TENM3: variants seen among roughly 807,000 people sequenced by gnomAD.
TENM3 encodes teneurin-3.
In TENM3, 63 loss-of-function variants were observed where a neutral mutation model predicts 255.1. The ratio of observed to expected loss-of-function variants is 0.25; its 90% CI spans 0.20 to 0.30. The LOEUF (loss-of-function observed/expected upper bound fraction) is 0.30. Among genes scored for constraint, TENM3 ranks in the 10% least tolerant of loss-of-function variants. TENM3 has a pLI of 1.00. For synonymous variants in TENM3, 1,306 were observed against 1,322.3 expected (o/e 0.99, Z 0.27); for missense variants, 2,929 against 3,461.1 (o/e 0.85, Z 3.86).
intron 6 of TENM3, among the ~76,000 whole-genome samples, chr4:182,665,869 C>G (rs368150200): frequency 6.6e-6 from 1 of 152,052 alleles, no homozygotes; most frequent in African/African-American, 2.4e-5. Context: ...GCACTCCAGC[C>G]TGGGCGACAG....
chr4:182,590,299 T>C (rs1307156745), intron 3 of TENM3, among the ~76,000 whole-genome samples: 1 of 151,910 alleles, frequency 6.6e-6, no homozygotes, highest in Admixed American at 6.6e-5. Flanking sequence ...TCTAGGAGTC[T>C]CAGTAACAGT....
At position 182,730,996 on chromosome 4, in the gene TENM3, C is replaced by G; in HGVS notation, c.2824C>G (p.Leu942Val). ...GAATGTCTTTTATGTGATGGATACCCTAGTCATGAAGAAAGAAGAGAATGA... is the reference window on the plus strand; with the variant it reads ...GAATGTCTTTTATGTGATGGATACCGTAGTCATGAAGAAAGAAGAGAATGA... ...PWNVFYVMDT[L>V]VMKKEENDIP... The change falls in exon 16 of 28, where the codon CTA (leucine) becomes GTA (valine). Residue 942 changes from leucine (L) to valine (V), a missense_variant. Around this residue, in one of 6 missense-constraint regions of TENM3, gnomAD observed 1,608 missense variants for 1,884.4 expected, o/e 0.85. Transcript: ENST00000511685. The G allele has an allele frequency of 6.2e-7, 1 of 1,613,850 alleles. No individual in the cohort carries two copies. Among genetic ancestry groups the G allele is most frequent in the South Asian group, 1.1e-5 (1 of 91,066 alleles).
At chr4:181,974,554 C>T in the TENM3 span, among the ~76,000 whole-genome samples, 48 of 151,162 alleles carry the variant, frequency 3.2e-4, no homozygotes, top group African/African-American at 1.1e-3. Flanking sequence ...GGCAACAGAG[C>T]GAGACTCCAT....
At chr4:181,797,930 G>A in the TENM3 span, among the ~76,000 whole-genome samples, 1 of 152,002 alleles carries the variant, frequency 6.6e-6, no homozygotes, top group South Asian at 2.1e-4. Context: ...TATTTTCTCT[G>A]GTGACATTTA....
At chr4:182,339,549 GT>G (rs1016916355) in intron 2 of TENM3, among the ~76,000 whole-genome samples, 5 of 152,180 alleles carry the variant, frequency 3.3e-5, no homozygotes, top group Non-Finnish European at 5.9e-5. Flanking sequence ...GTAGATAGAT[GT>G]AGCTTACAGC....
chr4:182,100,833 A>G, the TENM3 span, among the ~76,000 whole-genome samples: 4 of 7,108 alleles, frequency 5.6e-4, 1 homozygote, highest in Admixed American at 9.6e-3. Flanking sequence ...ATATATATAT[A>G]TATATACTCA....
At chr4:182,024,407 G>A in the TENM3 span, among the ~76,000 whole-genome samples, 2 of 152,240 alleles carry the variant, frequency 1.3e-5, no homozygotes, top group East Asian at 3.9e-4. Context: ...ATGGGGATGG[G>A]TAAATCTGGT....
chr4:182,388,100 G>A (rs1768125362), intron 3 of TENM3, among the ~76,000 whole-genome samples: 2 of 152,244 alleles, frequency 1.3e-5, no homozygotes, highest in Middle Eastern at 3.4e-3. Flanking sequence ...GCGAATTAGG[G>A]TATTTTCAAC....
At chr4:182,320,363 A>G (rs2675532) in intron 1 of TENM3, among the ~76,000 whole-genome samples, 50,044 of 152,034 alleles carry the variant, frequency 0.33, 8,851 homozygotes, top group African/African-American at 0.46. Flanking sequence ...TCCAGAGAAG[A>G]ATCTGCTTCG....
the TENM3 span, among the ~76,000 whole-genome samples, chr4:182,004,943 C>A: frequency 0.68 from 103,656 of 152,026 alleles, 36,097 homozygotes; most frequent in Middle Eastern, 0.76. Context: ...AATATGTTTA[C>A]GTTCCTTGTA....
Position 182,502,910 on chromosome 4 carries a change from C to CTTT in TENM3, c.512-97990_512-97988dup, listed in dbSNP as rs10671906. ...TGTTTTGTGATTGGATGAAGTCAGC[C>CTTT]TTTTTTTTTTTTTTTTTTTTTTTTT... is the stretch of plus-strand genomic sequence containing the variant. On this transcript the variant is annotated intron_variant, in intron 3 of 27. Transcript: ENST00000511685. 1.7e-4 allele frequency among the ~76,000 whole-genome samples: 13 copies of CTTT among 77,368 alleles called. 1 individual carries two copies. The highest frequency in any genetic ancestry group is 5.6e-4 in the African/African-American group (9 of 16,136). 50.8% of individuals were successfully genotyped at this position (77,368 alleles called of 152,430 possible).
At chr4:181,848,648 AT>A in the TENM3 span, among the ~76,000 whole-genome samples, 1 of 152,334 alleles carries the variant, frequency 6.6e-6, no homozygotes, top group Admixed American at 6.5e-5. Flanking sequence ...AGATTCACGT[AT>A]TACTGAGATT....
chr4:181,552,931 G>A, the TENM3 span, among the ~76,000 whole-genome samples: 3 of 152,162 alleles, frequency 2.0e-5, no homozygotes, highest in Non-Finnish European at 4.4e-5. Context: ...TGTGCACACA[G>A]ACACGCACGC....
chr4:182,260,709 T>C (rs938306509), intron 1 of TENM3, among the ~76,000 whole-genome samples: 1 of 152,164 alleles, frequency 6.6e-6, no homozygotes, highest in African/African-American at 2.4e-5. Context: ...CACTGACAAA[T>C]AGATGAGTTA....
At chr4:181,566,870 A>G in the TENM3 span, among the ~76,000 whole-genome samples, 1 of 152,204 alleles carries the variant, frequency 6.6e-6, no homozygotes, top group African/African-American at 2.4e-5. Context: ...CTCTATGTCC[A>G]TGAGAAGCTC....
Position 182,600,933 on chromosome 4 carries a change from C to T in TENM3, c.521C>T (p.Ala174Val). ...TTTTTTTTTTTTTCAGAGCAACCTG[C>T]AAGCAATCAAGGCCAGTCTACCCTG... ...NKSDSENEQP[A>V]SNQGQSTLQP... Residue 174 changes from alanine to valine, a missense_variant, in exon 4 of 28, where the codon GCA becomes GTA. This residue lies in a region of TENM3 where 283 missense variants were observed against 256.9 expected (regional missense o/e 1.10). Coordinates refer to ENST00000511685, the MANE Select transcript of TENM3 (RefSeq NM_001080477.4). The T allele has an allele frequency of 2.0e-6, 2 of 1,021,484 alleles. No individual in the cohort carries two copies. Among genetic ancestry groups the T allele is most frequent in the Non-Finnish European group, 2.8e-6 (2 of 725,454 alleles). The allele number at this position is 1,021,484 out of a possible 1,614,324, so 63.3% of individuals were successfully genotyped here. A position where few individuals can be genotyped will look rare whatever the true frequency, so the allele number is the denominator to read the frequency against.
intron 20 of TENM3, among the ~76,000 whole-genome samples, chr4:182,753,129 G>T (rs966450500): frequency 2.0e-5 from 3 of 151,898 alleles, no homozygotes; most frequent in Non-Finnish European, 2.9e-5. Flanking sequence ...GTGTTTTTTA[G>T]TAGAGACAGG....
the TENM3 span, among the ~76,000 whole-genome samples, chr4:181,702,342 G>A: frequency 6.4e-4 from 98 of 152,284 alleles, no homozygotes; most frequent in African/African-American, 2.2e-3. Context: ...AACACAAACA[G>A]TAAGTGCTAA....
chr4:181,503,872 G>A, the TENM3 span, among the ~76,000 whole-genome samples: 1 of 152,124 alleles, frequency 6.6e-6, no homozygotes, highest in Non-Finnish European at 1.5e-5. Flanking sequence ...TGCTCCGCTC[G>A]GAAGGAGGCT....
Sources: allele counts gnomAD v4.1 joint callset (sites outside exome capture counted in the v4.1 genomes callset), GRCh38; gene constraint gnomAD v4.1.1; regional missense constraint gnomAD v4.1.1; transcripts MANE v1.5; gene names NCBI Gene and HGNC (gene_info 2026-07-23, HGNC 2026-07-21).